KCNT1: variants seen among roughly 807,000 people sequenced by gnomAD.
The protein encoded by KCNT1 is potassium channel subfamily T member 1.
KCNT1 carries 78 observed loss-of-function variants against 147.8 expected under a neutral mutation model. The ratio of observed to expected loss-of-function variants is 0.53; its 90% CI spans 0.44 to 0.64. KCNT1 has a LOEUF of 0.64. Ranked by LOEUF, KCNT1 falls within the 30% of genes least tolerant of loss-of-function variation. KCNT1 has a pLI of 0.00. For missense variants in KCNT1, 1,419 were observed against 1,750.3 expected (o/e 0.81, Z 3.38); for synonymous variants, 867 against 748.8 (o/e 1.16, Z -2.58).
At chr9:135,779,334 G>C (rs200715533) in intron 23 of KCNT1, 25 bp from the exon 24 acceptor site, 2 of 1,453,200 alleles carry the variant, frequency 1.4e-6, no homozygotes, top group Non-Finnish European at 9.5e-7. Context: ...CATGGGCCCC[G>C]CCCTGAGCCG....
At chr9:135,736,329 C>T (rs1830332993) in intron 2 of KCNT1, among the ~76,000 whole-genome samples, 1 of 152,146 alleles carries the variant, frequency 6.6e-6, no homozygotes, top group African/African-American at 2.4e-5. Flanking sequence ...GGGTGGGCGC[C>T]CAGGGCCACC....
intron 2 of KCNT1, among the ~76,000 whole-genome samples, chr9:135,722,532 T>C (rs1055278425): frequency 6.6e-6 from 1 of 152,132 alleles, no homozygotes; most frequent in Non-Finnish European, 1.5e-5. Context: ...CCAGCTGAAA[T>C]GGAATGGGTG....
At chr9:135,780,221 C>G (rs1432318863) in intron 24 of KCNT1, among the ~76,000 whole-genome samples, 3 of 152,020 alleles carry the variant, frequency 2.0e-5, no homozygotes, top group African/African-American at 7.3e-5. Flanking sequence ...CAGCCCTAGG[C>G]TGAGAGCAGG....
intron 2 of KCNT1, among the ~76,000 whole-genome samples, chr9:135,747,573 C>T (rs1011640327): frequency 1.3e-5 from 2 of 152,084 alleles, no homozygotes; most frequent in Admixed American, 6.5e-5. Flanking sequence ...AGAAAGACGG[C>T]GGACAGACCC....
Position 135,750,284 on chromosome 9 carries a change from A to G in KCNT1, c.334+107A>G, listed in dbSNP as rs958662620. 7.3e-6 allele frequency: 4 copies of G among 544,344 alleles called. No homozygotes were observed. The African/African-American group carries it at 7.9e-5, about 11-fold the overall frequency. The allele number at this position is 544,344 out of a possible 1,614,324, so 33.7% of individuals were successfully genotyped here. On this transcript the variant is annotated intron_variant, in intron 3 of 30. Transcript: ENST00000371757. ...GGGGCTGTGAGCTCAGGGAGAGTCC[A>G]TGGGGTGGGAGCCACCTGAGTGCTG...
chr9:135,778,363 G>A, intron 21 of KCNT1, 61 bp from the exon 22 acceptor site: 1 of 1,461,184 alleles, frequency 6.8e-7, no homozygotes, highest in Non-Finnish European at 9.3e-7. Flanking sequence ...GGGCCCCACT[G>A]GGCCTGAGGA....
At chr9:135,734,203 G>A (rs1449078125) in intron 2 of KCNT1, among the ~76,000 whole-genome samples, 1 of 152,160 alleles carries the variant, frequency 6.6e-6, no homozygotes, top group Non-Finnish European at 1.5e-5. Context: ...ATAGGGTCGA[G>A]CCTCTCCAGG....
intron 1 of KCNT1, among the ~76,000 whole-genome samples, chr9:135,706,491 G>A (rs980568695): frequency 3.9e-5 from 6 of 152,300 alleles, no homozygotes; most frequent in Middle Eastern, 3.4e-3. Flanking sequence ...CCTTGGCACC[G>A]TCGCCCTGGG....
intron 2 of KCNT1, among the ~76,000 whole-genome samples, chr9:135,719,379 G>A (rs554089045): frequency 6.6e-6 from 1 of 152,230 alleles, no homozygotes; most frequent in Non-Finnish European, 1.5e-5. Flanking sequence ...GTCTGTGGCA[G>A]TGGAGGTGCG....
At chr9:135,753,217 T>C (rs1302519816) in intron 4 of KCNT1, among the ~76,000 whole-genome samples, 1 of 152,104 alleles carries the variant, frequency 6.6e-6, no homozygotes. Context: ...GGCACTTAGT[T>C]TGCAACAACC....
chr9:135,713,220 G>C (rs182282567), intron 1 of KCNT1, among the ~76,000 whole-genome samples: 24 of 152,364 alleles, frequency 1.6e-4, no homozygotes, highest in Admixed American at 1.1e-3. Context: ...TGGCCACGTG[G>C]TTCCCCTGCC....
rs1260986508 is a variant in KCNT1 at position 135,787,993 on chromosome 9, G to A, written c.3502+1472G>A. On this transcript the variant is annotated intron_variant, in intron 29 of 30. Coordinates refer to ENST00000371757, the MANE Select transcript of KCNT1 (RefSeq NM_020822.3). ...ACTCGCTTCTGGTGGCCGGCCTCCC[G>A]TGCAGCTGCCCCTGCACCCGCCCAC... 4.2e-5 allele frequency: 34 copies of A among 806,134 alleles called. No individual in the cohort carries two copies. The East Asian group carries it at 4.5e-4, about 11-fold the overall frequency. The allele number at this position is 806,134 out of a possible 1,614,324, so 49.9% of individuals were successfully genotyped here.
At chr9:135,778,945 ACGG>A in intron 23 of KCNT1, 123 bp downstream of exon 23, 2 of 1,150,306 alleles carry the variant, frequency 1.7e-6, no homozygotes, top group Admixed American at 5.4e-5. Flanking sequence ...AGCCACGACC[ACGG>A]GCCCTCGCCC....
chr9:135,732,764 C>CTCTG (rs1830159560), intron 2 of KCNT1, among the ~76,000 whole-genome samples: 1 of 151,552 alleles, frequency 6.6e-6, no homozygotes, highest in Non-Finnish European at 1.5e-5. Flanking sequence ...CTCTCTCTCT[C>CTCTG]TCTCTCTCTC....
chr9:135,742,520 G>C (rs1015434139), intron 2 of KCNT1, among the ~76,000 whole-genome samples: 1 of 152,208 alleles, frequency 6.6e-6, no homozygotes, highest in Non-Finnish European at 1.5e-5. Context: ...AGGGGGCCAG[G>C]CTTGGCTCAG....
intron 2 of KCNT1, among the ~76,000 whole-genome samples, chr9:135,740,447 G>T (rs1442748116): frequency 6.6e-6 from 1 of 152,192 alleles, no homozygotes; most frequent in Non-Finnish European, 1.5e-5. Context: ...GCCCAGAGGG[G>T]CTCCTAGAGA....
Position 135,768,257 on chromosome 9 carries a change from GCACT to G in KCNT1, c.1338-352_1338-349del, listed in dbSNP as rs1832447836. ...GATGCCTGCGGGGGGGGGGGGGGGG[GCACT>G]GGGATACCGGTGGGGGGGGCACAGG... On this transcript the variant is annotated intron_variant, in intron 13 of 30. Coordinates refer to ENST00000371757, the MANE Select transcript of KCNT1 (RefSeq NM_020822.3). Among the ~76,000 whole-genome samples the G allele has an allele frequency of 3.2e-3, 43 of 13,268 alleles. 2 individuals are homozygous for G. The highest frequency in any genetic ancestry group is 5.4e-3 in the Non-Finnish European group (25 of 4,630). 8.7% of individuals were successfully genotyped at this position (13,268 alleles called of 152,430 possible).
rs774281111 is a variant in KCNT1, at chr9:135,772,901, C to G, written c.2195C>G (p.Ser732Trp). ...LLPCDLLSDQ[S>W]EDEVTPSDDE... ...CCCTGCGACCTGCTGAGCGACCAGT[C>G]GGAGGATGAGGTGACGCCGTCGGAC... The change falls in exon 19 of 31, where the codon TCG becomes TGG. Residue 732 changes from serine to tryptophan, a missense_variant. By Grantham distance (177) the Ser-to-Trp change is radical (BLOSUM62 -3). Transcript: ENST00000371757. The G allele has an allele frequency of 6.4e-7, 1 of 1,553,900 alleles. No homozygotes were observed. Among genetic ancestry groups the G allele is most frequent in the Admixed American group, 2.0e-5 (1 of 51,032 alleles).
At chr9:135,762,203 A>G (rs1831961381) in intron 11 of KCNT1, among the ~76,000 whole-genome samples, 1 of 152,230 alleles carries the variant, frequency 6.6e-6, no homozygotes, top group Non-Finnish European at 1.5e-5. Flanking sequence ...CAGTACTTTG[A>G]AAGGCCAAGG....
Sources: allele counts gnomAD v4.1 joint callset (sites outside exome capture counted in the v4.1 genomes callset), GRCh38; gene constraint gnomAD v4.1.1; transcripts MANE v1.5; gene names NCBI Gene and HGNC (gene_info 2026-07-23, HGNC 2026-07-21).